AHRR: variants seen among roughly 807,000 people sequenced by gnomAD.
The protein encoded by AHRR is aryl hydrocarbon receptor repressor.
Under a neutral mutation model 44.0 loss-of-function variants are expected in AHRR, and 28 were observed. The ratio of observed to expected loss-of-function variants is 0.64; its 90% CI spans 0.47 to 0.87. The LOEUF (loss-of-function observed/expected upper bound fraction) is 0.87, where lower values mean the gene tolerates loss of function less well. AHRR is among the 40% of genes least tolerant of loss of function. AHRR has a pLI of 0.00. For synonymous variants in AHRR, 434 were observed against 407.0 expected (o/e 1.07, Z -0.80); for missense variants, 990 against 953.9 (o/e 1.04, Z -0.50).
At position 367,843 on chromosome 5, in the gene AHRR, G is replaced by A. The variant is rs1743417768; in HGVS notation, c.245-8767G>A. 5 of 702,576 alleles carry A rather than the reference G, an allele frequency of 7.1e-6. No individual in the cohort carries two copies. In the East Asian group the frequency reaches 1.3e-4, roughly 19 times the overall value. 43.5% of individuals were successfully genotyped at this position (702,576 alleles called of 1,614,324 possible). A position where few individuals can be genotyped will look rare whatever the true frequency, so the allele number is the denominator to read the frequency against. ...GGCAGTGGCAGATGCCGAAGATGTG[G>A]ATGACCACACGGGCGAACGAAGGCC... On this transcript the variant is annotated intron_variant, in intron 3 of 10. Transcript: ENST00000684583.
intron 6 of AHRR, among the ~76,000 whole-genome samples, chr5:423,178 C>G (rs554017868): frequency 3.3e-5 from 5 of 152,194 alleles, no homozygotes; most frequent in African/African-American, 9.7e-5. Flanking sequence ...AAACTCCCCT[C>G]AAGTCTCACG....
intron 3 of AHRR, among the ~76,000 whole-genome samples, chr5:373,841 C>G (rs1743668691): frequency 6.6e-6 from 1 of 150,782 alleles, no homozygotes; most frequent in African/African-American, 2.4e-5. Context: ...TGGCGCCCTG[C>G]CCGGGCGGGC....
intron 10 of AHRR, among the ~76,000 whole-genome samples, 156 bp from the exon 11 acceptor site, chr5:433,697 G>GT (rs978406910): frequency 6.6e-6 from 1 of 152,130 alleles, no homozygotes; most frequent in Admixed American, 6.6e-5. Flanking sequence ...GCTGCTGGGG[G>GT]GGTTAGAAGG....
chr5:340,392 C>T (rs1742289057), intron 1 of AHRR, among the ~76,000 whole-genome samples: 1 of 151,764 alleles, frequency 6.6e-6, no homozygotes, highest in Non-Finnish European at 1.5e-5. Context: ...CTGGGAAGTC[C>T]AAGATCAAGG....
rs115805955 is a variant in AHRR, at chr5:376,771, C to T, written c.351+55C>T. The T allele has an allele frequency of 1.2e-3, 1,775 of 1,446,866 alleles. 14 individuals are homozygous for T. The African/African-American group carries it at 0.022, about 18-fold the overall frequency. 89.6% of individuals were successfully genotyped at this position (1,446,866 alleles called of 1,614,324 possible). ...TTGACACTTGGTTCTCCGTGTCACG[C>T]GTGTTCAGGCTCAGTCATACTCCGT... is the stretch of plus-strand genomic sequence containing the variant. On this transcript the variant is annotated intron_variant, in intron 4 of 10. Coordinates refer to ENST00000684583, the MANE Select transcript of AHRR (RefSeq NM_001377236.1).
intron 1 of AHRR, among the ~76,000 whole-genome samples, chr5:323,717 G>A (rs2671913): frequency 0.015 from 2,322 of 152,268 alleles, 68 homozygotes; most frequent in African/African-American, 0.054. Flanking sequence ...TCCAGCCGTC[G>A]TCATTTGCAA....
chr5:359,575 T>C (rs1454357055), intron 3 of AHRR, among the ~76,000 whole-genome samples: 2 of 152,242 alleles, frequency 1.3e-5, no homozygotes, highest in Non-Finnish European at 2.9e-5. Context: ...AGCCTCACTC[T>C]GAAAGCCTGG....
rs551065156 is a variant in AHRR, at chr5:430,639, C to T, written c.909-1824C>T. The stretch of plus-strand genomic sequence containing the variant: ...CTCTTTCAGATAACCGTTTAGACAG[C>T]TCTACAGTCTGACAGCAGCAGCGGT... On this transcript the variant is annotated intron_variant, in intron 8 of 10. Transcript: ENST00000684583. Among the ~76,000 whole-genome samples the T allele has an allele frequency of 5.9e-5, 9 of 152,364 alleles. No individual in the cohort carries two copies. In the East Asian group the frequency reaches 1.3e-3, roughly 23 times the overall value.
chr5:340,107 G>C (rs1167720710), intron 1 of AHRR, among the ~76,000 whole-genome samples: 1 of 152,184 alleles, frequency 6.6e-6, no homozygotes, highest in Non-Finnish European at 1.5e-5. Flanking sequence ...TTTGCCAAGA[G>C]AGAATTGGTA....
chr5:336,561 G>C (rs999087072), intron 1 of AHRR, among the ~76,000 whole-genome samples: 10 of 152,202 alleles, frequency 6.6e-5, no homozygotes, highest in African/African-American at 2.4e-4. Flanking sequence ...CAGATAACAT[G>C]ATTTGTAAAT....
intron 5 of AHRR, among the ~76,000 whole-genome samples, chr5:413,734 C>G (rs889160982): frequency 9.9e-5 from 15 of 152,202 alleles, no homozygotes; most frequent in Non-Finnish European, 1.2e-4. Flanking sequence ...TCCCCTGCCC[C>G]ACCAGCACCA....
At chr5:421,483 G>A (rs1736116997) in intron 5 of AHRR, 1 of 490,202 alleles carries the variant, frequency 2.0e-6, no homozygotes, top group Non-Finnish European at 3.6e-6. Flanking sequence ...GTCCCGCGGG[G>A]TGTTTTCTTG....
intron 2 of AHRR, among the ~76,000 whole-genome samples, chr5:353,230 C>T (rs561732934): frequency 5.9e-5 from 9 of 152,182 alleles, no homozygotes; most frequent in South Asian, 2.1e-4. Context: ...AAGCTCGGAG[C>T]GGCCTTGGGC....
At chr5:398,005 G>GT (rs1359820502) in intron 4 of AHRR, among the ~76,000 whole-genome samples, 3 of 124,818 alleles carry the variant, frequency 2.4e-5, no homozygotes, top group Non-Finnish European at 3.4e-5. Flanking sequence ...GACCATCCAC[G>GT]TAGCCCCTGA....
rs550971468 is a variant in AHRR, at chr5:411,449, G to A, written c.352-1895G>A. On this transcript the variant is annotated intron_variant, in intron 4 of 10. Transcript: ENST00000684583. The surrounding 1 kb of genome is among the most constrained non-coding windows in gnomAD (Gnocchi z 4.2). ...AACTGCCATTATCCTTGGCTGCCTA[G>A]GAGTCTTCAATACCAGTATTTCAAA... 6.6e-6 allele frequency among the ~76,000 whole-genome samples: 1 copy of A among 152,008 alleles called. No homozygotes were observed. Among genetic ancestry groups the A allele is most frequent in the Non-Finnish European group, 1.5e-5 (1 of 68,016 alleles).
chr5:432,384 C>A, intron 8 of AHRR, 79 bp from the exon 9 acceptor site: 1 of 1,400,858 alleles, frequency 7.1e-7, no homozygotes, highest in Non-Finnish European at 1.0e-6. Context: ...TTATTAATTT[C>A]TACCATCAAA....
In AHRR at chr5:415,475, GGGTGGGA is replaced by G. The variant is rs1560916031; in HGVS notation, c.441+2045_441+2051del. Among the ~76,000 whole-genome samples, 13 of 59,744 alleles carry G rather than the reference GGGTGGGA, an allele frequency of 2.2e-4. 1 individual carries two copies. Among genetic ancestry groups the G allele is most frequent in the African/African-American group, 4.8e-4 (7 of 14,568 alleles). 39.2% of individuals were successfully genotyped at this position (59,744 alleles called of 152,430 possible). A position where few individuals can be genotyped will look rare whatever the true frequency, so the allele number is the denominator to read the frequency against. On this transcript the variant is annotated intron_variant, in intron 5 of 10. Coordinates refer to ENST00000684583, the MANE Select transcript of AHRR (RefSeq NM_001377236.1). The stretch of plus-strand genomic sequence containing the variant: ...GCCTAGGGGCCGAGTCTGCCTGGTC[GGGTGGGA>G]GGCCTAGGGGCCGAGTCTCCCTGGT...
intron 4 of AHRR, among the ~76,000 whole-genome samples, chr5:408,403 T>G (rs1735354078): frequency 6.6e-6 from 1 of 151,792 alleles, no homozygotes. Flanking sequence ...TCAGGAATAA[T>G]TGTTGAATTT....
chr5:343,931 C>T lies in AHRR; in HGVS notation c.29C>T (p.Ala10Val). The change falls in exon 2 of 11, where the codon GCG becomes GTG. Residue 10 changes from alanine to valine, a missense_variant. Physicochemically the swap from Ala to Val is moderately conservative, Grantham distance 64 (BLOSUM62 0). Transcript: ENST00000684583. MIPPGECTYAGRKRRRPLQK... is the reference protein window; with the variant it reads MIPPGECTYVGRKRRRPLQK... ...ATCCCGCCGGGGGAGTGCACGTACG[C>T]GGGCCGGAAGCGGAGGAGGCCCCTG... The T allele has an allele frequency of 6.2e-7, 1 of 1,600,436 alleles. No homozygotes were observed. The highest frequency in any genetic ancestry group is 8.5e-7 in the Non-Finnish European group (1 of 1,174,126).
Sources: gnomAD v4.1 joint callset for allele counts (sites outside exome capture counted in the v4.1 genomes callset) on GRCh38, gnomAD v4.1.1 for gene constraint, Gnocchi (gnomAD v3.1) non-coding constraint, MANE v1.5 for transcripts, NCBI Gene and HGNC (gene_info 2026-07-23, HGNC 2026-07-21) for gene names.